PUDP: variants seen among roughly 807,000 people sequenced by gnomAD.
The protein encoded by PUDP is pseudouridine 5'-phosphatase.
In PUDP, 8 loss-of-function variants were observed where a neutral mutation model predicts 9.4. The observed-to-expected ratio is 0.85, with a 90% CI of 0.50 to 1.53. The LOEUF (loss-of-function observed/expected upper bound fraction) is 1.53. Ranked by LOEUF, PUDP falls within the 40% of genes most tolerant of loss-of-function variation. The pLI is 0.00. For missense variants in PUDP, 188 were observed against 189.7 expected, an observed-to-expected ratio of 0.99 and a Z score of 0.05; for synonymous variants, 99 against 80.7, an observed-to-expected ratio of 1.23 and a Z score of -1.22.
At chrX:6,816,718 T>C (rs1197711705) in intron 3 of PUDP, among the ~76,000 whole-genome samples, 2 of 97,738 alleles carry the variant, frequency 2.0e-5, no homozygotes, top group African/African-American at 7.4e-5. Flanking sequence ...CTATATAGTA[T>C]ATACAATATA....
intron 3 of PUDP, among the ~76,000 whole-genome samples, chrX:6,814,336 GA>G (rs752574581): frequency 7.7e-4 from 85 of 109,696 alleles, no homozygotes; most frequent in Admixed American, 2.5e-3. Flanking sequence ...TAGTTGTTCT[GA>G]AAAAAAACTC....
At chrX:7,084,679 T>C (rs1314625643) in intron 2 of PUDP, 1 of 110,563 alleles carries the variant, frequency 9.0e-6, no homozygotes, top group Non-Finnish European at 1.9e-5. Flanking sequence ...AATGGACAAT[T>C]AAGGCAAAGG....
At chrX:6,938,786 CTTT>C (rs764265665) in intron 3 of PUDP, among the ~76,000 whole-genome samples, 15,425 of 82,712 alleles carry the variant, frequency 0.19, 1,043 homozygotes, top group Admixed American at 0.29. Flanking sequence ...TTCTTTCTTT[CTTT>C]TTTTTTTTTT....
At chrX:7,140,178 C>G (rs1222217938) in intron 1 of PUDP, among the ~76,000 whole-genome samples, 1 of 112,394 alleles carries the variant, frequency 8.9e-6, no homozygotes, top group Non-Finnish European at 1.9e-5. Context: ...TAAGCACCAA[C>G]AAGGCAATTT....
At chrX:6,854,692 A>G (rs1389712187) in intron 3 of PUDP, among the ~76,000 whole-genome samples, 1 of 111,634 alleles carries the variant, frequency 9.0e-6, no homozygotes, top group Non-Finnish European at 1.9e-5. Flanking sequence ...TAAGAACGTT[A>G]TAAGAAAGAG....
intron 3 of PUDP, among the ~76,000 whole-genome samples, chrX:6,801,131 C>T (rs1207692376): frequency 1.8e-5 from 2 of 111,940 alleles, no homozygotes; most frequent in African/African-American, 3.3e-5. Context: ...TGTAATACTG[C>T]TCTGCAGCTA....
intron 3 of PUDP, among the ~76,000 whole-genome samples, chrX:6,868,869 C>G (rs1479745504): frequency 8.9e-6 from 1 of 112,295 alleles, no homozygotes; most frequent in Non-Finnish European, 1.9e-5. Context: ...ATCTCAGTCA[C>G]TCTTCCCTGT....
At chrX:6,976,778 C>A (rs1284471478) in intron 3 of PUDP, among the ~76,000 whole-genome samples, 2 of 111,802 alleles carry the variant, frequency 1.8e-5, no homozygotes, top group African/African-American at 6.5e-5. Context: ...GGCATCTGAC[C>A]TCTGGTCATT....
intron 3 of PUDP, among the ~76,000 whole-genome samples, chrX:7,066,700 T>C (rs1930564540): frequency 9.0e-6 from 1 of 111,525 alleles, no homozygotes; most frequent in Admixed American, 9.5e-5. Flanking sequence ...ACTCCTGTTT[T>C]AGAGGATGCA....
At chrX:6,711,135 C>T (rs1481140970) in intron 1 of PUDP, among the ~76,000 whole-genome samples, 4 of 111,574 alleles carry the variant, frequency 3.6e-5, no homozygotes, top group Non-Finnish European at 7.5e-5. Context: ...GGAGAAATGG[C>T]GCAAACATTT....
At chrX:6,794,920 A>AG (rs1925816658) in intron 3 of PUDP, among the ~76,000 whole-genome samples, 1 of 25,056 alleles carries the variant, frequency 4.0e-5, no homozygotes, top group Non-Finnish European at 6.2e-5. Context: ...TAAACTTTTT[A>AG]GGTTTTTTTT....
At chrX:6,867,628 G>A (rs1318212097) in intron 3 of PUDP, among the ~76,000 whole-genome samples, 3 of 110,495 alleles carry the variant, frequency 2.7e-5, no homozygotes, top group Non-Finnish European at 5.7e-5. Context: ...TGATGGCAAT[G>A]GTGGTGTTGA....
intron 3 of PUDP, among the ~76,000 whole-genome samples, chrX:6,870,413 T>G (rs1027050955): frequency 2.7e-5 from 3 of 111,785 alleles, no homozygotes; most frequent in African/African-American, 9.8e-5. Context: ...TGAATAAGTC[T>G]CATGAGATAT....
rs1931865069 is a variant in PUDP at position 7,105,829 on chromosome X, C to T, written c.71G>A (p.Arg24Gln). 5.1e-6 allele frequency: 6 copies of T among 1,177,547 alleles called. No individual in the cohort carries two copies. Among genetic ancestry groups the T allele is most frequent in the African/African-American group, 3.6e-5 (2 of 56,046 alleles). ...DMDGLLLDTE[R>Q]LYSVVFQEIC... ...TTCTTGAAACACCACTGAATACAGC[C>T]GTTCAGTATCTGCAGGAAAAAAAAA... The change falls in exon 2 of 4, where the codon CGG (arginine) becomes CAG (glutamine). Residue 24 changes from arginine to glutamine, a missense_variant. By Grantham distance (43) the Arg-to-Gln change is conservative. Transcript: ENST00000381077.
chrX:6,970,314 T>G (rs1157610839), intron 3 of PUDP, among the ~76,000 whole-genome samples: 1 of 112,656 alleles, frequency 8.9e-6, no homozygotes, highest in African/African-American at 3.2e-5. Flanking sequence ...ATAATTATTT[T>G]GTGTTGTGTA....
intron 3 of PUDP, among the ~76,000 whole-genome samples, chrX:6,798,997 C>A (rs1321123127): frequency 8.9e-6 from 1 of 111,832 alleles, no homozygotes; most frequent in Admixed American, 9.5e-5. Context: ...TGCTCCCAGG[C>A]TGGCCTGGAA....
At chrX:6,856,731 C>G (rs1355124381) in intron 3 of PUDP, among the ~76,000 whole-genome samples, 6 of 111,511 alleles carry the variant, frequency 5.4e-5, no homozygotes, top group Non-Finnish European at 7.5e-5. Flanking sequence ...ACAGGGTGCC[C>G]TAACAATTGA....
chrX:6,727,649 C>G (rs1924755330), intron 3 of PUDP, among the ~76,000 whole-genome samples: 1 of 111,845 alleles, frequency 8.9e-6, no homozygotes, highest in Non-Finnish European at 1.9e-5. Context: ...TTAAAACCAG[C>G]TGTCTTAGTC....
At chrX:6,706,207 G>T (rs1335984679) in intron 2 of PUDP, 1 of 112,533 alleles carries the variant, frequency 8.9e-6, no homozygotes, top group Non-Finnish European at 1.9e-5. Context: ...AGTTATTGCT[G>T]AATAGTTATG....
Sources: gnomAD v4.1 joint callset for allele counts (sites outside exome capture counted in the v4.1 genomes callset) on GRCh38, gnomAD v4.1.1 for gene constraint, MANE v1.5 for transcripts, NCBI Gene and HGNC (gene_info 2026-07-23, HGNC 2026-07-21) for gene names.